COL13A1: variants seen among roughly 807,000 people sequenced by gnomAD.
The protein encoded by COL13A1 is collagen alpha-1(XIII) chain.
A neutral mutation model predicts 130.9 loss-of-function variants in COL13A1; 89 were observed. That is an observed-to-expected ratio of 0.68 (90% confidence interval 0.57 to 0.81). The LOEUF is 0.81. Among genes scored for constraint, COL13A1 ranks in the 30% least tolerant of loss-of-function variants. The pLI, the probability that COL13A1 is intolerant of heterozygous loss-of-function variation, is 0.00. For missense variants in COL13A1, 879 were observed against 934.6 expected (o/e 0.94, Z 0.78); for synonymous variants, 402 against 341.6 (o/e 1.18, Z -1.95).
intron 22 of COL13A1, among the ~76,000 whole-genome samples, 179 bp from the exon 23 acceptor site, chr10:69,922,529 G>T (rs1267726503): frequency 6.6e-6 from 1 of 152,174 alleles, no homozygotes; most frequent in Non-Finnish European, 1.5e-5. Context: ...TAAACCTGCT[G>T]CCCTTCAGTA....
chr10:69,850,033 G>A (rs150953131), intron 2 of COL13A1, among the ~76,000 whole-genome samples: 35 of 152,076 alleles, frequency 2.3e-4, no homozygotes, highest in Non-Finnish European at 3.4e-4. Flanking sequence ...ACATAGTGAC[G>A]GTGACAGACA....
intron 10 of COL13A1, among the ~76,000 whole-genome samples, chr10:69,891,779 T>C (rs569548449): frequency 6.6e-6 from 1 of 152,332 alleles, no homozygotes; most frequent in African/African-American, 2.4e-5. Flanking sequence ...GGTCATCCTC[T>C]AGGCAGCACT....
At chr10:69,882,008 T>C (rs1460373389) in intron 7 of COL13A1, among the ~76,000 whole-genome samples, 1 of 152,228 alleles carries the variant, frequency 6.6e-6, no homozygotes, top group African/African-American at 2.4e-5. Flanking sequence ...CATGTGCTCC[T>C]GGGCTCACAC....
Position 69,863,302 on chromosome 10 carries a change from G to A in COL13A1, c.365-4496G>A, listed in dbSNP as rs531032803. On this transcript the variant is annotated intron_variant, in intron 2 of 40. Coordinates refer to ENST00000645393, the MANE Select transcript of COL13A1 (RefSeq NM_001368882.1). ...CTGGGGAGCCAAATTCCCCCGAGCTGAGAACCCCTGCTCCAGCAGGCAGAG... is the reference window on the plus strand; with the variant it reads ...CTGGGGAGCCAAATTCCCCCGAGCTAAGAACCCCTGCTCCAGCAGGCAGAG... 3.3e-5 allele frequency among the ~76,000 whole-genome samples: 5 copies of A among 152,296 alleles called. No homozygotes were observed. The South Asian group carries it at 1.0e-3, about 32-fold the overall frequency.
At chr10:69,898,092 C>T (rs993843855) in intron 13 of COL13A1, among the ~76,000 whole-genome samples, 17 of 152,300 alleles carry the variant, frequency 1.1e-4, no homozygotes, top group South Asian at 2.1e-4. Flanking sequence ...GCTCAAACCC[C>T]GGGGAACTGG....
At chr10:69,951,648 A>G (rs2069584422) in intron 38 of COL13A1, among the ~76,000 whole-genome samples, 1 of 152,224 alleles carries the variant, frequency 6.6e-6, no homozygotes, top group Non-Finnish European at 1.5e-5. Context: ...TACAGACATG[A>G]GCCACCATGC....
chr10:69,812,420 G>A (rs1264874120), intron 1 of COL13A1, among the ~76,000 whole-genome samples: 1 of 152,170 alleles, frequency 6.6e-6, no homozygotes, highest in Non-Finnish European at 1.5e-5. Context: ...GTACTTTTAT[G>A]AGGGTTGTTT....
intron 27 of COL13A1, 137 bp from the exon 28 acceptor site, chr10:69,928,800 A>G (rs189635659): frequency 5.2e-6 from 3 of 576,872 alleles, no homozygotes. Flanking sequence ...TTCTTTGCAA[A>G]AAATGCATCT....
At position 69,921,877 on chromosome 10, in the gene COL13A1, T is replaced by C; in HGVS notation, c.1090-5T>C. 6.2e-7 allele frequency: 1 copy of C among 1,604,164 alleles called. No individual in the cohort carries two copies. The highest frequency in any genetic ancestry group is 8.5e-7 in the Non-Finnish European group (1 of 1,175,646). On this transcript the variant is annotated splice_region_variant and splice_polypyrimidine_tract_variant and intron_variant, in intron 21 of 40. Transcript: ENST00000645393. ...AACCCCCACACTGTCTGCATCTCCC[T>C]GCAGGGTGAGAAGGGGGCTGAAGGC...
In COL13A1 at chr10:69,834,732, G is replaced by T. The variant is rs183415410; in HGVS notation, c.364+12294G>T. Reference sequence around the variant, plus strand: ...CCCTCCGGACAAGGCAGAGCAGAAGGGGGGTAGGTTGGAGAGGAAGGGTCA... The same window carrying T: ...CCCTCCGGACAAGGCAGAGCAGAAGTGGGGTAGGTTGGAGAGGAAGGGTCA... On this transcript the variant is annotated intron_variant, in intron 2 of 40. Coordinates refer to ENST00000645393, the MANE Select transcript of COL13A1 (RefSeq NM_001368882.1). Among the ~76,000 whole-genome samples, 18 of 152,282 alleles carry T rather than the reference G, an allele frequency of 1.2e-4. No homozygotes were observed. The East Asian group carries it at 1.5e-3, about 13-fold the overall frequency.
chr10:69,949,858 G>A (rs10823449), intron 38 of COL13A1, among the ~76,000 whole-genome samples: 52,825 of 151,020 alleles, frequency 0.35, 9,440 homozygotes, highest in Middle Eastern at 0.39. Flanking sequence ...GAAAAGGTCT[G>A]TGTGCATGCA....
In COL13A1 at chr10:69,878,222, C is replaced by G. The variant is rs946019495; in HGVS notation, c.462+157C>G. Among the ~76,000 whole-genome samples, 17 of 152,246 alleles carry G rather than the reference C, an allele frequency of 1.1e-4. 1 individual carries two copies. The highest frequency in any genetic ancestry group is 4.1e-4 in the African/African-American group (17 of 41,474). The stretch of plus-strand genomic sequence containing the variant: ...TGCCTCTCACGGCCCCGTTTCCTAA[C>G]AGCTTCCATAACATCGGGCAGCAGT... On this transcript the variant is annotated intron_variant, in intron 6 of 40. Transcript: ENST00000645393.
intron 17 of COL13A1, among the ~76,000 whole-genome samples, chr10:69,911,923 C>T (rs2063423723): frequency 6.6e-6 from 1 of 152,272 alleles, no homozygotes; most frequent in Non-Finnish European, 1.5e-5. Flanking sequence ...ACCCCTCCGG[C>T]TCCTGTAGGA....
At chr10:69,872,342 G>T in intron 4 of COL13A1, 132 bp downstream of exon 4, 1 of 1,011,500 alleles carries the variant, frequency 9.9e-7, no homozygotes, top group South Asian at 1.4e-5. Flanking sequence ...CAGAGTCCCT[G>T]ATCTATAGCT....
At chr10:69,915,015 C>T (rs997615856) in intron 17 of COL13A1, among the ~76,000 whole-genome samples, 4 of 152,222 alleles carry the variant, frequency 2.6e-5, no homozygotes, top group Non-Finnish European at 4.4e-5. Flanking sequence ...TGGAAGCAGA[C>T]GGAACATCAG....
intron 31 of COL13A1, among the ~76,000 whole-genome samples, chr10:69,934,566 G>T (rs1352225462): frequency 1.3e-5 from 2 of 152,240 alleles, no homozygotes. Context: ...TGAAGCCGAG[G>T]CGGGGTGAGC....
At chr10:69,902,668 C>T (rs979895935) in intron 14 of COL13A1, 80 bp from the exon 15 acceptor site, 9 of 1,175,330 alleles carry the variant, frequency 7.7e-6, no homozygotes, top group Middle Eastern at 2.1e-4. Flanking sequence ...CAGGCCTTCA[C>T]TGGGTGCATG....
chr10:69,867,819 C>T lies in COL13A1; in HGVS notation c.372+14C>T, dbSNP rs2058673452. 1.4e-6 allele frequency: 1 copy of T among 718,362 alleles called. No homozygotes were observed. Among genetic ancestry groups the T allele is most frequent in the Non-Finnish European group, 2.6e-6 (1 of 385,024 alleles). The allele number at this position is 718,362 out of a possible 1,614,324, so 44.5% of individuals were successfully genotyped here. A position where few individuals can be genotyped will look rare whatever the true frequency, so the allele number is the denominator to read the frequency against. Reference sequence around the variant, plus strand: ...TCAGGACCTCCTGTAAGTACTCAAGCCGAGGGTCTCGTGCATCTGAAAGGC... The same window carrying T: ...TCAGGACCTCCTGTAAGTACTCAAGTCGAGGGTCTCGTGCATCTGAAAGGC... On this transcript the variant is annotated intron_variant, in intron 3 of 40. Coordinates refer to ENST00000645393, the MANE Select transcript of COL13A1 (RefSeq NM_001368882.1).
At chr10:69,895,875 G>T (rs1368149369) in intron 13 of COL13A1, among the ~76,000 whole-genome samples, 1 of 152,156 alleles carries the variant, frequency 6.6e-6, no homozygotes, top group Non-Finnish European at 1.5e-5. Context: ...GTCTCCTGCT[G>T]TGTGTCTGGA....
Sources: gnomAD v4.1 joint callset for allele counts (sites outside exome capture counted in the v4.1 genomes callset) on GRCh38, gnomAD v4.1.1 for gene constraint, MANE v1.5 for transcripts, NCBI Gene and HGNC (gene_info 2026-07-23, HGNC 2026-07-21) for gene names.